Variants in AMBRA1 observed in about 807,000 individuals in gnomAD.
The protein encoded by AMBRA1 is activating molecule in BECN1-regulated autophagy protein 1.
A neutral mutation model predicts 125.4 loss-of-function variants in AMBRA1; 47 were observed. The ratio of observed to expected loss-of-function variants is 0.37; its 90% CI spans 0.30 to 0.48. The LOEUF (loss-of-function observed/expected upper bound fraction) is 0.48. Among genes scored for constraint, AMBRA1 ranks in the 20% least tolerant of loss-of-function variants. The pLI is 0.99. For synonymous variants in AMBRA1, 626 were observed against 655.5 expected, an observed-to-expected ratio of 0.95 and a Z score of 0.69; for missense variants, 1,331 against 1,693.4, an observed-to-expected ratio of 0.79 and a Z score of 3.76.
At chr11:46,438,489 G>A (rs763888240) in intron 12 of AMBRA1, among the ~76,000 whole-genome samples, 12 of 152,224 alleles carry the variant, frequency 7.9e-5, no homozygotes, top group Admixed American at 4.6e-4. Flanking sequence ...ATGAGGCCAC[G>A]GGAGCAATTA....
chr11:46,593,805 T>C (rs929769982), intron 1 of AMBRA1, 23 bp downstream of exon 1: 33 of 395,032 alleles, frequency 8.4e-5, no homozygotes, highest in Non-Finnish European at 1.4e-4. Flanking sequence ...GGGCTGGGCC[T>C]CCCAGGCTCC....
intron 12 of AMBRA1, among the ~76,000 whole-genome samples, chr11:46,441,343 G>A (rs536794554): frequency 5.3e-5 from 8 of 152,126 alleles, no homozygotes; most frequent in South Asian, 2.1e-4. Flanking sequence ...GCAAAACCCC[G>A]TCTCTGCTAA....
intron 9 of AMBRA1, among the ~76,000 whole-genome samples, chr11:46,496,821 A>G (rs957868678): frequency 2.0e-5 from 3 of 149,378 alleles, no homozygotes; most frequent in Non-Finnish European, 3.0e-5. Context: ...AAAAAAAAAA[A>G]GGGAAGGGGG....
At chr11:46,488,010 C>T (rs1374932252) in intron 11 of AMBRA1, among the ~76,000 whole-genome samples, 1 of 151,980 alleles carries the variant, frequency 6.6e-6, no homozygotes, top group Non-Finnish European at 1.5e-5. Flanking sequence ...ACTGCAGTAG[C>T]TATATTAATA....
rs747977891 is a variant in AMBRA1, at chr11:46,397,594, G to A, written c.3753C>T (p.Ser1251=). 3 of 1,603,566 alleles carry A rather than the reference G, an allele frequency of 1.9e-6. No individual in the cohort carries two copies. Among genetic ancestry groups the A allele is most frequent in the Non-Finnish European group, 8.5e-7 (1 of 1,173,784 alleles). Residue 1251 remains serine, a synonymous_variant, in exon 18 of 18, where the codon TCC becomes TCT. Coordinates refer to ENST00000683756, the MANE Select transcript of AMBRA1 (RefSeq NM_001387011.1). ...GGGAAACAGGAATGGGGACAGGGGA[G>A]GAAGAGGGCAGGGTTGGCTGGGTTG... ...REPTQPTLPS[S]SPVPIPVSLP...
chr11:46,473,730 A>G lies in AMBRA1; in HGVS notation c.2521+19878T>C, dbSNP rs1044310395. On this transcript the variant is annotated intron_variant, in intron 11 of 17. Coordinates refer to ENST00000683756, the MANE Select transcript of AMBRA1 (RefSeq NM_001387011.1). ...CAGTGGTGTGATCTCAGCTCACTGCAAGCTCCGCCTCGCGGGTTCACACCA... is the reference window on the plus strand; with the variant it reads ...CAGTGGTGTGATCTCAGCTCACTGCGAGCTCCGCCTCGCGGGTTCACACCA... Among the ~76,000 whole-genome samples the G allele has an allele frequency of 3.3e-5, 5 of 152,210 alleles. 1 individual carries two copies. The highest frequency in any genetic ancestry group is 1.3e-4 in the Admixed American group (2 of 15,280).
At chr11:46,434,291 T>C (rs1055188287) in intron 13 of AMBRA1, among the ~76,000 whole-genome samples, 8 of 151,902 alleles carry the variant, frequency 5.3e-5, no homozygotes, top group East Asian at 1.9e-4. Flanking sequence ...GGAGCAGTTC[T>C]ATCACTGCAC....
chr11:46,569,441 AT>A (rs530246072), intron 1 of AMBRA1, among the ~76,000 whole-genome samples: 6,273 of 119,276 alleles, frequency 0.053, 192 homozygotes, highest in South Asian at 0.16. Flanking sequence ...AAAAAAAAAA[AT>A]ATATATATAT....
intron 1 of AMBRA1, among the ~76,000 whole-genome samples, chr11:46,574,000 AT>A (rs1177139250): frequency 7.1e-6 from 1 of 140,522 alleles, no homozygotes; most frequent in African/African-American, 2.8e-5. Flanking sequence ...TGAACTCATC[AT>A]TTTTTATGGC....
intron 11 of AMBRA1, among the ~76,000 whole-genome samples, chr11:46,484,346 G>C (rs958272513): frequency 3.9e-5 from 6 of 152,178 alleles, no homozygotes; most frequent in South Asian, 2.1e-4. Context: ...CCTAAGAAGA[G>C]AGAAGTAAAA....
chr11:46,526,149 G>A (rs1371928947), intron 7 of AMBRA1, among the ~76,000 whole-genome samples: 1 of 152,150 alleles, frequency 6.6e-6, no homozygotes, highest in Admixed American at 6.5e-5. Context: ...AGGTTGTGGT[G>A]ACCTGAGATC....
chr11:46,434,835 T>G lies in AMBRA1; in HGVS notation c.2821+14A>C. Reference sequence around the variant, plus strand: ...GCGTCCCTCTGTCATTAGGTTGGGCTTCCTATCCCTTACCAAATCGCTTGG... The same window carrying G: ...GCGTCCCTCTGTCATTAGGTTGGGCGTCCTATCCCTTACCAAATCGCTTGG... On this transcript the variant is annotated intron_variant, in intron 13 of 17. Coordinates refer to ENST00000683756, the MANE Select transcript of AMBRA1 (RefSeq NM_001387011.1). The G allele has an allele frequency of 6.4e-7, 1 of 1,569,576 alleles. No individual in the cohort carries two copies. Among genetic ancestry groups the G allele is most frequent in the Non-Finnish European group, 8.6e-7 (1 of 1,158,348 alleles).
At chr11:46,516,516 C>T (rs1438894793) in intron 7 of AMBRA1, among the ~76,000 whole-genome samples, 3 of 149,798 alleles carry the variant, frequency 2.0e-5, no homozygotes, top group South Asian at 2.1e-4. Context: ...CTGCAAGCTC[C>T]GCCTCCTGGG....
rs1027063080 is a variant in AMBRA1, at chr11:46,470,433, C to T, written c.2521+23175G>A. ...TGAAACCCTATCTCTACTAAAAATA[C>T]AAAAAATTAGCCGGGCGTGGTGGTG... On this transcript the variant is annotated intron_variant, in intron 11 of 17. Coordinates refer to ENST00000683756, the MANE Select transcript of AMBRA1 (RefSeq NM_001387011.1). 4.0e-5 allele frequency among the ~76,000 whole-genome samples: 6 copies of T among 151,770 alleles called. No individual in the cohort carries two copies. The Middle Eastern group carries it at 0.014, about 344-fold the overall frequency.
chr11:46,563,907 G>A (rs1422850559), intron 1 of AMBRA1, among the ~76,000 whole-genome samples: 1 of 148,592 alleles, frequency 6.7e-6, no homozygotes, highest in African/African-American at 2.5e-5. Flanking sequence ...CACTTTGGGA[G>A]GCTGGGGTGT....
At chr11:46,506,668 A>G (rs1354407953) in intron 9 of AMBRA1, among the ~76,000 whole-genome samples, 6 of 152,178 alleles carry the variant, frequency 3.9e-5, no homozygotes, top group East Asian at 1.9e-4. Context: ...GCCAGTGAAG[A>G]AGGAGGAAGA....
Position 46,542,146 on chromosome 11 carries a change from C to A in AMBRA1, c.1871G>T (p.Gly624Val), listed in dbSNP as rs770549333. Residue 624 changes from glycine (G) to valine (V), a missense_variant, in exon 7 of 18, where the codon GGC (glycine) becomes GTC (valine). Physicochemically the swap from Gly to Val is moderately radical, Grantham distance 109. Transcript: ENST00000683756. This position sits in a 1 kb window ranked among gnomAD's most constrained non-coding sequence, Gnocchi z 5.9. ...SQLPPLERTE[G>V]QTPSSSRLEL... ...CAGCCTGCTGGAGCTGGGCGTTTGG[C>A]CCTCAGTCCGCTCGAGAGGTGGCAA... 1.2e-6 allele frequency: 2 copies of A among 1,613,896 alleles called. No homozygotes were observed. Among genetic ancestry groups the A allele is most frequent in the South Asian group, 1.1e-5 (1 of 91,064 alleles).
chr11:46,545,132 C>A (rs1455585416), intron 5 of AMBRA1, among the ~76,000 whole-genome samples: 3 of 123,632 alleles, frequency 2.4e-5, no homozygotes, highest in Non-Finnish European at 4.9e-5. Flanking sequence ...CAGAGCAAGA[C>A]CCTGTCTCCT....
intron 1 of AMBRA1, among the ~76,000 whole-genome samples, chr11:46,583,652 C>CAAAAAAAAAAAAAAAAAAAAAA (rs1398623719): frequency 4.8e-4 from 6 of 12,560 alleles, no homozygotes; most frequent in Admixed American, 1.1e-3. Context: ...AACAAATTTC[C>CAAAAAAAAAAAAAAAAAAAAAA]AAAAAAAAAA....
Sources: gnomAD v4.1 joint callset for allele counts (sites outside exome capture counted in the v4.1 genomes callset) on GRCh38, gnomAD v4.1.1 for gene constraint, Gnocchi (gnomAD v3.1) non-coding constraint, MANE v1.5 for transcripts, NCBI Gene and HGNC (gene_info 2026-07-23, HGNC 2026-07-21) for gene names.